Variants in DLGAP2 observed in about 807,000 individuals in gnomAD.
DLGAP2 encodes the protein DLG associated protein 2.
DLGAP2 carries 26 observed loss-of-function variants against 100.3 expected under a neutral mutation model. That is an observed-to-expected ratio of 0.26 (90% confidence interval 0.19 to 0.36). The LOEUF is 0.36. DLGAP2 is among the 10% of genes least tolerant of loss of function. The pLI, the probability that DLGAP2 is intolerant of heterozygous loss-of-function variation, is 1.00. For synonymous variants in DLGAP2, 886 were observed against 630.1 expected (o/e 1.41, Z -6.08); for missense variants, 1,858 against 1,453.2 (o/e 1.28, Z -4.53).
intron 1 of DLGAP2, among the ~76,000 whole-genome samples, chr8:867,694 G>A (rs1797524320): frequency 6.6e-6 from 1 of 152,174 alleles, no homozygotes; most frequent in South Asian, 2.1e-4. Context: ...GCTGTCACCT[G>A]GCCACCTGTG....
At chr8:1,430,045 A>C (rs1478287075) in intron 3 of DLGAP2, among the ~76,000 whole-genome samples, 1 of 37,368 alleles carries the variant, frequency 2.7e-5, no homozygotes, top group Non-Finnish European at 7.3e-5. Flanking sequence ...CACACATATG[A>C]ACTTAGAATT....
Position 856,338 on chromosome 8 carries a change from AC to A in DLGAP2, c.19-51572del, listed in dbSNP as rs1797277464. Among the ~76,000 whole-genome samples the A allele has an allele frequency of 2.6e-5, 4 of 151,678 alleles. No homozygotes were observed. The South Asian group carries it at 8.3e-4, about 32-fold the overall frequency. ...TGAGTAGCTGGGATTACAGGCACAC[AC>A]CACCACGCCTGGCTAATTTTGTATT... On this transcript the variant is annotated intron_variant, in intron 1 of 14. Coordinates refer to ENST00000637795, the MANE Select transcript of DLGAP2 (RefSeq NM_001346810.2).
chr8:1,288,127 T>C (rs1412049781), intron 3 of DLGAP2, among the ~76,000 whole-genome samples: 6 of 140,416 alleles, frequency 4.3e-5, no homozygotes, highest in African/African-American at 1.6e-4. Context: ...GGAGGGGAAC[T>C]AGTTTCGGTT....
chr8:1,515,240 G>T (rs1029330128), intron 4 of DLGAP2, among the ~76,000 whole-genome samples: 2 of 152,164 alleles, frequency 1.3e-5, no homozygotes, highest in African/African-American at 4.8e-5. Flanking sequence ...GAGTTTCAGG[G>T]CCAAGGTGTC....
intron 2 of DLGAP2, among the ~76,000 whole-genome samples, chr8:953,299 A>G (rs545647422): frequency 3.3e-5 from 5 of 152,134 alleles, no homozygotes; most frequent in South Asian, 2.1e-4. Context: ...GGTTCAAGCA[A>G]TTCTCTGCCT....
chr8:917,361 C>A (rs941549413), intron 2 of DLGAP2, among the ~76,000 whole-genome samples: 1 of 151,960 alleles, frequency 6.6e-6, no homozygotes, highest in African/African-American at 2.4e-5. Context: ...ACCTCAGCCC[C>A]TCAAGTAGCT....
At chr8:982,065 C>T (rs1480889656) in intron 2 of DLGAP2, among the ~76,000 whole-genome samples, 2 of 152,214 alleles carry the variant, frequency 1.3e-5, no homozygotes. Flanking sequence ...CATGTCTCCT[C>T]TGCACAGCAT....
chr8:1,659,673 T>C (rs1798365608), intron 8 of DLGAP2, among the ~76,000 whole-genome samples: 1 of 152,216 alleles, frequency 6.6e-6, no homozygotes, highest in African/African-American at 2.4e-5. Flanking sequence ...ACTCCTGCTA[T>C]TTTTTGCTTT....
intron 3 of DLGAP2, among the ~76,000 whole-genome samples, chr8:1,285,933 G>A (rs554329732): frequency 7.2e-5 from 11 of 152,306 alleles, no homozygotes; most frequent in African/African-American, 2.6e-4. Flanking sequence ...CGTCTAGTCT[G>A]GGCAACAGAG....
intron 2 of DLGAP2, among the ~76,000 whole-genome samples, chr8:1,122,530 T>G (rs1796072538): frequency 6.6e-6 from 1 of 152,208 alleles, no homozygotes; most frequent in Non-Finnish European, 1.5e-5. Flanking sequence ...CCTTTTTCTT[T>G]TATCATAAAC....
intron 3 of DLGAP2, among the ~76,000 whole-genome samples, chr8:1,282,468 G>A (rs1179272193): frequency 8.3e-6 from 1 of 120,716 alleles, no homozygotes; most frequent in Non-Finnish European, 1.8e-5. Flanking sequence ...TGAACCATCT[G>A]GACATGGTGT....
Position 1,633,166 on chromosome 8 carries a change from A to G in DLGAP2, c.1810+120A>G, listed in dbSNP as rs146577474. On this transcript the variant is annotated intron_variant, in intron 8 of 14. Coordinates refer to ENST00000637795, the MANE Select transcript of DLGAP2 (RefSeq NM_001346810.2). ...CAATGTACTCTCCTGACATCTAGTA[A>G]CGTTTCCTAATTGCATGTGTTACAC... The G allele has an allele frequency of 5.0e-5, 45 of 903,256 alleles. No homozygotes were observed. In the African/African-American group the frequency reaches 5.9e-4, roughly 12 times the overall value. 56.0% of individuals were successfully genotyped at this position (903,256 alleles called of 1,614,324 possible).
intron 3 of DLGAP2, among the ~76,000 whole-genome samples, chr8:1,321,489 C>G (rs963351072): frequency 6.6e-6 from 1 of 152,238 alleles, no homozygotes; most frequent in African/African-American, 2.4e-5. Context: ...ATGCATGGTC[C>G]GTGACCACCA....
chr8:898,475 C>A (rs1798189493), intron 1 of DLGAP2, among the ~76,000 whole-genome samples: 1 of 152,202 alleles, frequency 6.6e-6, no homozygotes, highest in Non-Finnish European at 1.5e-5. Context: ...GGGCACACAT[C>A]CAAAGCCCAT....
chr8:778,269 A>T (rs543874600), intron 1 of DLGAP2, among the ~76,000 whole-genome samples: 1 of 152,062 alleles, frequency 6.6e-6, no homozygotes, highest in Non-Finnish European at 1.5e-5. Flanking sequence ...CAAAGTTTTC[A>T]ACTTCTTTAC....
intron 1 of DLGAP2, among the ~76,000 whole-genome samples, chr8:770,993 T>A (rs1821341574): frequency 1.3e-5 from 2 of 152,132 alleles, no homozygotes; most frequent in South Asian, 2.1e-4. Flanking sequence ...TACTGCTAGA[T>A]GTTTTTATGA....
intron 3 of DLGAP2, among the ~76,000 whole-genome samples, chr8:1,467,282 T>C (rs993919252): frequency 5.0e-4 from 76 of 151,482 alleles, no homozygotes; most frequent in African/African-American, 1.8e-3. Flanking sequence ...CACCCTCATA[T>C]CCACATCCAG....
intron 2 of DLGAP2, among the ~76,000 whole-genome samples, chr8:987,910 G>A (rs1291283748): frequency 1.3e-5 from 2 of 152,136 alleles, no homozygotes; most frequent in East Asian, 3.9e-4. Context: ...TTTTACATAT[G>A]TGGTCAGCAA....
At chr8:777,781 A>C (rs1821566230) in intron 1 of DLGAP2, among the ~76,000 whole-genome samples, 2 of 152,118 alleles carry the variant, frequency 1.3e-5, no homozygotes, top group Admixed American at 1.3e-4. Flanking sequence ...GCTGCCCTTA[A>C]CATTTTTTCC....
Sources: gnomAD v4.1 joint callset for allele counts (sites outside exome capture counted in the v4.1 genomes callset) on GRCh38, gnomAD v4.1.1 for gene constraint, MANE v1.5 for transcripts, NCBI Gene and HGNC (gene_info 2026-07-23, HGNC 2026-07-21) for gene names.